The following NUP133 variants were observed in gnomAD, a reference collection of about 807,000 sequenced individuals.
NUP133 encodes the protein nuclear pore complex protein Nup133.
NUP133 carries 66 observed loss-of-function variants against 146.2 expected under a neutral mutation model. The observed-to-expected ratio is 0.45, with a 90% CI of 0.37 to 0.55. The LOEUF is 0.55. Ranked by LOEUF, NUP133 falls within the 20% of genes least tolerant of loss-of-function variation. The pLI is 0.00. For synonymous variants in NUP133, 521 were observed against 498.8 expected (o/e 1.04, Z -0.59); for missense variants, 1,277 against 1,374.8 (o/e 0.93, Z 1.12).
intron 6 of NUP133, among the ~76,000 whole-genome samples, chr1:229,496,809 C>G (rs775676922): frequency 1.3e-5 from 2 of 152,088 alleles, no homozygotes; most frequent in African/African-American, 4.8e-5. Flanking sequence ...TGCTGAGACC[C>G]TGTCTCTATT....
intron 12 of NUP133, among the ~76,000 whole-genome samples, chr1:229,481,494 T>TCCAGGAGTTTGAGC: frequency 6.6e-6 from 1 of 151,952 alleles, no homozygotes; most frequent in Admixed American, 6.6e-5. Context: ...GGATCTTGAG[T>TCCAGGAGTTTGAGC]CCAGGAGTTT....
intron 5 of NUP133, 81 bp from the exon 6 acceptor site, chr1:229,498,387 AATC>A: frequency 4.4e-6 from 4 of 900,924 alleles, no homozygotes; most frequent in Non-Finnish European, 6.6e-6. Context: ...TACAGAGAAA[AATC>A]ATCGTAATTG....
At chr1:229,456,699 A>ATG (rs1002932428) in intron 21 of NUP133, among the ~76,000 whole-genome samples, 5 of 151,558 alleles carry the variant, frequency 3.3e-5, no homozygotes, top group Admixed American at 1.3e-4. Flanking sequence ...AGAAATACGT[A>ATG]TGTGTGTGTG....
intron 19 of NUP133, 129 bp downstream of exon 19, chr1:229,463,414 C>T: frequency 9.5e-7 from 1 of 1,049,754 alleles, no homozygotes; most frequent in Non-Finnish European, 1.3e-6. Flanking sequence ...TTAGTATCTT[C>T]TCATCAAAGT....
rs1660789293 is a variant in NUP133, at chr1:229,465,408, T to C, written c.2299+12A>G. The C allele has an allele frequency of 1.3e-6, 2 of 1,533,518 alleles. No individual in the cohort carries two copies. Among genetic ancestry groups the C allele is most frequent in the African/African-American group, 1.4e-5 (1 of 73,182 alleles). The allele number at this position is 1,533,518 out of a possible 1,614,324, so 95.0% of individuals were successfully genotyped here. On this transcript the variant is annotated intron_variant, in intron 17 of 25. Transcript: ENST00000261396. ...TATATTTTGAACAACTGTTAATAAA[T>C]CAGTATATTACCCGTCCATGGAACA...
intron 15 of NUP133, among the ~76,000 whole-genome samples, chr1:229,469,990 C>T (rs968724857): frequency 6.6e-6 from 1 of 152,064 alleles, no homozygotes; most frequent in African/African-American, 2.4e-5. Flanking sequence ...TGCACTGTTG[C>T]ACTCCAGCCT....
In NUP133 at chr1:229,449,176, ATT is replaced by A; in HGVS notation, c.3193_3194del (p.Asn1065TyrfsTer3). The A allele has an allele frequency of 6.2e-7, 1 of 1,608,770 alleles. No individual in the cohort carries two copies. The highest frequency in any genetic ancestry group is 8.5e-7 in the Non-Finnish European group (1 of 1,176,444). Reference sequence around the variant, plus strand: ...GGATTTCCAGTTTTAGATCATTTATATTTATATCTTCTTCCTTCACAGCAAAA... The same window carrying A: ...GGATTTCCAGTTTTAGATCATTTATATATATCTTCTTCCTTCACAGCAAAA... The part of the protein sequence containing the change: ...LEYIDEEEDI[N>X]INDLKLEILC... On this transcript the variant is annotated frameshift_variant, in exon 24 of 26. Transcript: ENST00000261396. LOFTEE classifies it high-confidence loss of function.
At chr1:229,470,505 C>A in intron 15 of NUP133, 75 bp downstream of exon 15, 1 of 1,224,046 alleles carries the variant, frequency 8.2e-7, no homozygotes, top group South Asian at 1.3e-5. Flanking sequence ...CTCGTCCTCA[C>A]CGTCTTTCCT....
At chr1:229,474,371 T>C (rs957255157) in intron 14 of NUP133, among the ~76,000 whole-genome samples, 4 of 152,146 alleles carry the variant, frequency 2.6e-5, no homozygotes, top group African/African-American at 9.6e-5. Flanking sequence ...CGGGAGAAAA[T>C]ATGTTTTTTC....
At position 229,502,619 on chromosome 1, in the gene NUP133, T is replaced by C. The variant is rs536217699; in HGVS notation, c.302-517A>G. Among the ~76,000 whole-genome samples, 448 of 149,236 alleles carry C rather than the reference T, an allele frequency of 3.0e-3. 1 individual carries two copies. The highest frequency in any genetic ancestry group is 0.011 in the African/African-American group (436 of 40,506). On this transcript the variant is annotated intron_variant, in intron 2 of 25. Transcript: ENST00000261396. Reference sequence around the variant, plus strand: ...AATATATCTAAAGGCAAAAAGTGTATTTGGGACATTTAATATTCCTTAATT... The same window carrying C: ...AATATATCTAAAGGCAAAAAGTGTACTTGGGACATTTAATATTCCTTAATT...
chr1:229,468,123 C>T (rs537452564), intron 15 of NUP133, among the ~76,000 whole-genome samples: 15 of 152,172 alleles, frequency 9.9e-5, no homozygotes, highest in Admixed American at 8.5e-4. Flanking sequence ...AGGTACAAGG[C>T]CTTCCCAAAC....
Position 229,486,538 on chromosome 1 carries a change from A to T in NUP133, c.1343-10T>A. Reference sequence around the variant, plus strand: ...CCTAAAACACTATCTCCTAAAAGAAAGGAAAACAGAGTCAAATACATCTAA... The same window carrying T: ...CCTAAAACACTATCTCCTAAAAGAATGGAAAACAGAGTCAAATACATCTAA... On this transcript the variant is annotated splice_polypyrimidine_tract_variant and intron_variant, in intron 10 of 25. Coordinates refer to ENST00000261396, the MANE Select transcript of NUP133 (RefSeq NM_018230.3). The T allele has an allele frequency of 3.1e-6, 5 of 1,598,732 alleles. No homozygotes were observed. Among genetic ancestry groups the T allele is most frequent in the Non-Finnish European group, 4.3e-6 (5 of 1,175,776 alleles).
At chr1:229,505,941 C>T (rs1661923884) in intron 2 of NUP133, 99 bp downstream of exon 2, 2 of 695,476 alleles carry the variant, frequency 2.9e-6, no homozygotes, top group Non-Finnish European at 5.1e-6. Flanking sequence ...TCACCATTTA[C>T]GTAAAGGTAT....
intron 16 of NUP133, among the ~76,000 whole-genome samples, 196 bp from the exon 17 acceptor site, chr1:229,465,715 C>T (rs994495056): frequency 1.6e-4 from 24 of 151,520 alleles, no homozygotes; most frequent in African/African-American, 4.8e-4. Context: ...ATAGTGAGAC[C>T]CCATCTGTAC....
chr1:229,502,409 A>T (rs1661823929), intron 2 of NUP133, among the ~76,000 whole-genome samples: 1 of 151,892 alleles, frequency 6.6e-6, no homozygotes, highest in African/African-American at 2.4e-5. Context: ...ACTACAAAAA[A>T]TTAGCTGAGT....
At chr1:229,492,940 T>TA (rs1661562085) in intron 8 of NUP133, among the ~76,000 whole-genome samples, 1 of 151,852 alleles carries the variant, frequency 6.6e-6, no homozygotes, top group Non-Finnish European at 1.5e-5. Flanking sequence ...AAATCAACTT[T>TA]AAAAAAAAGA....
intron 6 of NUP133, among the ~76,000 whole-genome samples, chr1:229,497,137 G>A (rs1326193833): frequency 6.6e-6 from 1 of 152,192 alleles, no homozygotes; most frequent in Non-Finnish European, 1.5e-5. Context: ...GCAGGTACCA[G>A]GAGCTTAGGT....
intron 24 of NUP133, among the ~76,000 whole-genome samples, chr1:229,447,323 T>C (rs1199293412): frequency 6.6e-6 from 1 of 152,192 alleles, no homozygotes; most frequent in East Asian, 1.9e-4. Flanking sequence ...AATATGTATG[T>C]TACAATATGG....
intron 21 of NUP133, among the ~76,000 whole-genome samples, chr1:229,453,016 C>T (rs556763161): frequency 1.3e-5 from 2 of 152,114 alleles, no homozygotes; most frequent in South Asian, 2.1e-4. Flanking sequence ...AAAATTTTTC[C>T]CACTAGAATT....
Sources: allele counts gnomAD v4.1 joint callset (sites outside exome capture counted in the v4.1 genomes callset), GRCh38; gene constraint gnomAD v4.1.1; transcripts MANE v1.5; gene names NCBI Gene and HGNC (gene_info 2026-07-23, HGNC 2026-07-21).